LRRC39: variants seen among roughly 807,000 people sequenced by gnomAD.
LRRC39 encodes leucine rich repeat containing 39.
Under a neutral mutation model 39.7 loss-of-function variants are expected in LRRC39, and 35 were observed. That is an observed-to-expected ratio of 0.88 (90% CI 0.67 to 1.17). The LOEUF is 1.17. Ranked by LOEUF, LRRC39 falls within the 50% of genes most tolerant of loss-of-function variation. The pLI, the probability that LRRC39 is intolerant of heterozygous loss-of-function variation, is 0.00. For missense variants in LRRC39, 357 were observed against 385.8 expected (o/e 0.93, Z 0.62); for synonymous variants, 113 against 134.1 (o/e 0.84, Z 1.09).
chr1:100,149,496 G>T, intron 9 of LRRC39: 1 of 1,449,050 alleles, frequency 6.9e-7, no homozygotes, highest in South Asian at 1.4e-5. Context: ...TGTCTAGTTA[G>T]AACTTCCAAA....
intron 9 of LRRC39, chr1:100,150,184 G>C (rs1343102232): frequency 6.6e-6 from 1 of 152,168 alleles, no homozygotes; most frequent in African/African-American, 2.4e-5. Context: ...TCCAAGCACA[G>C]AGTAATTCAA....
At chr1:100,158,856 G>GAAAAAAAA (rs59271444) in intron 5 of LRRC39, among the ~76,000 whole-genome samples, 2 of 141,136 alleles carry the variant, frequency 1.4e-5, no homozygotes, top group Non-Finnish European at 3.1e-5. Flanking sequence ...CGTGCAATAG[G>GAAAAAAAA]AAAAAAAAAA....
intron 3 of LRRC39, among the ~76,000 whole-genome samples, chr1:100,163,653 G>A (rs1295967328): frequency 2.0e-5 from 3 of 149,388 alleles, no homozygotes; most frequent in South Asian, 2.1e-4. Flanking sequence ...GTCTGGTCTC[G>A]AACTCCTAAG....
intron 1 of LRRC39, among the ~76,000 whole-genome samples, chr1:100,177,124 A>G (rs188198689): frequency 2.4e-4 from 37 of 152,304 alleles, no homozygotes; most frequent in African/African-American, 8.7e-4. Context: ...ACCTCTCATA[A>G]TGAAGCTCCA....
At chr1:100,170,391 A>C (rs1269595127) in intron 2 of LRRC39, among the ~76,000 whole-genome samples, 1 of 152,222 alleles carries the variant, frequency 6.6e-6, no homozygotes, top group Non-Finnish European at 1.5e-5. Flanking sequence ...AGTCAGACAC[A>C]AAAGACCACA....
intron 9 of LRRC39, among the ~76,000 whole-genome samples, chr1:100,151,126 CAAAAAAAAAAA>C (rs772782982): frequency 0.027 from 1,199 of 43,712 alleles, 17 homozygotes; most frequent in Non-Finnish European, 0.038. Context: ...AGAAACTCCT[CAAAAAAAAAAA>C]AAAAAAAAAA....
chr1:100,166,498 G>A (rs1041040689), intron 3 of LRRC39, among the ~76,000 whole-genome samples: 2 of 152,134 alleles, frequency 1.3e-5, no homozygotes, highest in East Asian at 1.9e-4. Flanking sequence ...CTGGAGTAAA[G>A]GTCACTCTTG....
At chr1:100,156,848 G>A (rs1658498159) in intron 6 of LRRC39, among the ~76,000 whole-genome samples, 1 of 152,134 alleles carries the variant, frequency 6.6e-6, no homozygotes, top group South Asian at 2.1e-4. Context: ...AGCTGGGCAT[G>A]GTGGCACACG....
At chr1:100,163,492 A>G (rs948856530) in intron 3 of LRRC39, among the ~76,000 whole-genome samples, 2 of 152,052 alleles carry the variant, frequency 1.3e-5, no homozygotes, top group Non-Finnish European at 2.9e-5. Flanking sequence ...TGAGCAAGAC[A>G]TCCCCCATCT....
chr1:100,167,018 A>G (rs758575760), intron 3 of LRRC39, among the ~76,000 whole-genome samples: 7 of 152,198 alleles, frequency 4.6e-5, no homozygotes, highest in Non-Finnish European at 1.0e-4. Context: ...ATGAAAACAG[A>G]CTAATACACC....
chr1:100,155,046 T>G lies in LRRC39; in HGVS notation c.812+5A>C, dbSNP rs754824630. 5.7e-6 allele frequency: 9 copies of G among 1,565,832 alleles called. No individual in the cohort carries two copies. Among genetic ancestry groups the G allele is most frequent in the Non-Finnish European group, 6.0e-6 (7 of 1,160,430 alleles). On this transcript the variant is annotated splice_donor_5th_base_variant and intron_variant, in intron 8 of 9. Coordinates refer to ENST00000370137, the MANE Select transcript of LRRC39 (RefSeq NM_144620.4). ...TTTTTCAGTTTTGTGCCTACAACTTTTTACCTCAGATTTGCCATTTCTTCC... is the reference window on the plus strand; with the variant it reads ...TTTTTCAGTTTTGTGCCTACAACTTGTTACCTCAGATTTGCCATTTCTTCC...
intron 3 of LRRC39, among the ~76,000 whole-genome samples, chr1:100,166,254 G>A (rs537152663): frequency 1.3e-4 from 20 of 152,118 alleles, no homozygotes; most frequent in Non-Finnish European, 2.1e-4. Flanking sequence ...AATTGGTACC[G>A]ATAGAGTGGG....
upstream of LRRC39, among the ~76,000 whole-genome samples, chr1:100,179,058 A>G (rs1004402160): frequency 4.6e-5 from 7 of 152,162 alleles, no homozygotes; most frequent in African/African-American, 9.7e-5. Flanking sequence ...TTCACTCAGG[A>G]TATCTTGGAA....
chr1:100,164,846 A>T (rs370718935), intron 3 of LRRC39, among the ~76,000 whole-genome samples: 4 of 151,840 alleles, frequency 2.6e-5, no homozygotes, highest in Non-Finnish European at 2.9e-5. Context: ...AGTAACGGGG[A>T]CTACAGGTGC....
intron 8 of LRRC39, among the ~76,000 whole-genome samples, 176 bp from the exon 9 acceptor site, chr1:100,152,700 GAA>G (rs927087626): frequency 1.3e-5 from 2 of 149,918 alleles, no homozygotes; most frequent in Non-Finnish European, 3.0e-5. Flanking sequence ...TTTCCTAAGA[GAA>G]AAAAAAACAC....
intron 8 of LRRC39, among the ~76,000 whole-genome samples, chr1:100,152,858 C>T (rs1208732186): frequency 1.3e-5 from 2 of 152,164 alleles, no homozygotes; most frequent in Admixed American, 6.5e-5. Context: ...TCCCAAGTAG[C>T]TGGGACTAGA....
chr1:100,156,983 C>CA (rs537349753), intron 6 of LRRC39, among the ~76,000 whole-genome samples: 44 of 149,108 alleles, frequency 3.0e-4, no homozygotes, highest in Non-Finnish European at 4.0e-4. Context: ...GACTCTGTCT[C>CA]AAAAAAAAAG....
chr1:100,151,709 G>A (rs1489468565), intron 9 of LRRC39, among the ~76,000 whole-genome samples: 1 of 152,052 alleles, frequency 6.6e-6, no homozygotes, highest in African/African-American at 2.4e-5. Context: ...TTAGCTTAAA[G>A]GCCCTCAATT....
intron 2 of LRRC39, among the ~76,000 whole-genome samples, chr1:100,170,184 C>A (rs1391239225): frequency 6.6e-6 from 1 of 152,136 alleles, no homozygotes; most frequent in Admixed American, 6.5e-5. Flanking sequence ...CAAAATCCTG[C>A]ACATGAATGT....
Sources: allele counts gnomAD v4.1 joint callset (sites outside exome capture counted in the v4.1 genomes callset), GRCh38; gene constraint gnomAD v4.1.1; transcripts MANE v1.5; gene names NCBI Gene and HGNC (gene_info 2026-07-23, HGNC 2026-07-21).